Variants in PIK3C3 observed in about 807,000 individuals in gnomAD.
PIK3C3 encodes the protein phosphatidylinositol 3-kinase catalytic subunit type 3.
Under a neutral mutation model 126.1 loss-of-function variants are expected in PIK3C3, and 95 were observed. That is an observed-to-expected ratio of 0.75 (90% CI 0.64 to 0.89). The LOEUF is 0.89. Ranked by LOEUF, PIK3C3 falls within the 40% of genes least tolerant of loss-of-function variation. The probability of loss-of-function intolerance (pLI) is 0.00; values close to 1 mark genes in which losing one functional copy is unlikely to be tolerated. For synonymous variants in PIK3C3, 374 were observed against 360.0 expected (o/e 1.04, Z -0.44); for missense variants, 829 against 1,063.2 (o/e 0.78, Z 3.06).
At chr18:41,957,030 T>G (rs1227215313) in intron 1 of PIK3C3, among the ~76,000 whole-genome samples, 3 of 152,060 alleles carry the variant, frequency 2.0e-5, no homozygotes, top group Non-Finnish European at 4.4e-5. Flanking sequence ...ATATGCATAG[T>G]AAAAGAAAAA....
At chr18:42,028,694 C>CT (rs1414485537) in intron 14 of PIK3C3, among the ~76,000 whole-genome samples, 1 of 152,164 alleles carries the variant, frequency 6.6e-6, no homozygotes, top group Non-Finnish European at 1.5e-5. Context: ...ATTTCAGTTT[C>CT]TTTAAGTTTA....
intron 21 of PIK3C3, among the ~76,000 whole-genome samples, chr18:42,051,864 AAAT>A (rs1453809838): frequency 2.6e-5 from 4 of 152,140 alleles, no homozygotes; most frequent in Non-Finnish European, 5.9e-5. Flanking sequence ...TTTAATATAA[AAAT>A]AATGCTAAAT....
chr18:42,059,126 G>A (rs1985202781), intron 22 of PIK3C3, among the ~76,000 whole-genome samples: 1 of 152,210 alleles, frequency 6.6e-6, no homozygotes, highest in Non-Finnish European at 1.5e-5. Context: ...CCCAGTTAAT[G>A]TTGATGTGTT....
intron 5 of PIK3C3, among the ~76,000 whole-genome samples, chr18:41,989,671 T>C (rs1981676279): frequency 6.6e-6 from 1 of 152,180 alleles, no homozygotes. Flanking sequence ...CTAGGGGTAA[T>C]ATGCTACACC....
At chr18:41,963,431 A>C (rs550785850) in intron 3 of PIK3C3, among the ~76,000 whole-genome samples, 2 of 152,314 alleles carry the variant, frequency 1.3e-5, no homozygotes, top group Admixed American at 6.5e-5. Context: ...ATGCTCAAAA[A>C]ATCTCATTTT....
intron 15 of PIK3C3, among the ~76,000 whole-genome samples, chr18:42,031,588 C>T (rs1191044973): frequency 6.6e-6 from 1 of 151,996 alleles, no homozygotes; most frequent in Non-Finnish European, 1.5e-5. Context: ...CCACGCCTGG[C>T]TAATTTTTAG....
intron 13 of PIK3C3, among the ~76,000 whole-genome samples, chr18:42,023,600 A>G (rs1405647376): frequency 2.0e-5 from 3 of 152,204 alleles, no homozygotes; most frequent in African/African-American, 4.8e-5. Flanking sequence ...TTACATATTC[A>G]GAAATACTCA....
intron 4 of PIK3C3, among the ~76,000 whole-genome samples, chr18:41,980,105 T>C (rs1437937249): frequency 6.6e-6 from 1 of 152,148 alleles, no homozygotes; most frequent in Non-Finnish European, 1.5e-5. Flanking sequence ...CTATTAGTGA[T>C]CTTTTCCCCT....
At chr18:41,967,241 T>C (rs371196949) in intron 3 of PIK3C3, among the ~76,000 whole-genome samples, 7 of 152,056 alleles carry the variant, frequency 4.6e-5, no homozygotes, top group Admixed American at 4.6e-4. Flanking sequence ...CACAGCTACT[T>C]CCTTGCATGG....
At chr18:41,956,997 T>G (rs1979810486) in intron 1 of PIK3C3, among the ~76,000 whole-genome samples, 1 of 152,170 alleles carries the variant, frequency 6.6e-6, no homozygotes, top group Non-Finnish European at 1.5e-5. Flanking sequence ...TACCACTGTT[T>G]TAAAGAAATG....
chr18:42,062,438 AT>A (rs60319154), intron 22 of PIK3C3, among the ~76,000 whole-genome samples: 88 of 146,856 alleles, frequency 6.0e-4, no homozygotes, highest in South Asian at 8.7e-4. Context: ...ACATTATGAG[AT>A]TTTTTTTTTT....
intron 24 of PIK3C3, among the ~76,000 whole-genome samples, chr18:42,076,129 T>TATATATGCAC (rs1985991422): frequency 3.7e-5 from 3 of 81,692 alleles, no homozygotes; most frequent in African/African-American, 2.6e-4. Flanking sequence ...TATGCGCATA[T>TATATATGCAC]ATATATATAT....
Position 42,049,799 on chromosome 18 carries a change from C to A in PIK3C3, c.2263+194C>A, listed in dbSNP as rs563332647. On this transcript the variant is annotated intron_variant, in intron 21 of 24. Coordinates refer to ENST00000262039, the MANE Select transcript of PIK3C3 (RefSeq NM_002647.4). ...GACCAGCCTGACCAACATGGAGAAA[C>A]CCCGTCTCTACTAAACACACAAAAT... 11 of 447,124 alleles carry A rather than the reference C, an allele frequency of 2.5e-5. No homozygotes were observed. The East Asian group carries it at 4.4e-4, about 18-fold the overall frequency. 27.7% of individuals were successfully genotyped at this position (447,124 alleles called of 1,614,324 possible).
chr18:42,027,879 C>T (rs1412733423), intron 14 of PIK3C3, among the ~76,000 whole-genome samples: 1 of 152,108 alleles, frequency 6.6e-6, no homozygotes, highest in Non-Finnish European at 1.5e-5. Context: ...TATTCTGGAA[C>T]TCCTGACCTC....
At chr18:41,975,230 T>G (rs1980855811) in intron 4 of PIK3C3, among the ~76,000 whole-genome samples, 1 of 152,226 alleles carries the variant, frequency 6.6e-6, no homozygotes, top group African/African-American at 2.4e-5. Flanking sequence ...TTATTGTTTC[T>G]TGAGAATAGG....
At chr18:42,032,383 C>G (rs936904067) in intron 15 of PIK3C3, among the ~76,000 whole-genome samples, 2 of 152,102 alleles carry the variant, frequency 1.3e-5, no homozygotes, top group Non-Finnish European at 2.9e-5. Flanking sequence ...AGAGTAGAAG[C>G]TATTGGAGAT....
At chr18:42,033,271 A>G (rs1016122813) in intron 15 of PIK3C3, among the ~76,000 whole-genome samples, 2 of 152,220 alleles carry the variant, frequency 1.3e-5, no homozygotes, top group African/African-American at 4.8e-5. Context: ...TGCATTATGT[A>G]TATGAGCTGA....
intron 5 of PIK3C3, among the ~76,000 whole-genome samples, chr18:41,990,043 A>G (rs888753617): frequency 6.6e-6 from 1 of 152,174 alleles, no homozygotes; most frequent in African/African-American, 2.4e-5. Flanking sequence ...GATTTTTGTT[A>G]CACATATTGA....
Position 42,037,760 on chromosome 18 carries a change from G to A in PIK3C3, c.1908G>A (p.Lys636=). The A allele has an allele frequency of 6.2e-7, 1 of 1,612,100 alleles. No homozygotes were observed. The highest frequency in any genetic ancestry group is 8.5e-7 in the Non-Finnish European group (1 of 1,178,422). Residue 636 remains lysine, a synonymous_variant, in exon 17 of 25, where the codon AAG becomes AAA. Coordinates refer to ENST00000262039, the MANE Select transcript of PIK3C3 (RefSeq NM_002647.4). ...GAGGCAAATATCCAGTTATATTTAA[G>A]CATGGAGATGATTTACGTCAAGATC... ...EDGGKYPVIF[K]HGDDLRQDQL...
Sources: allele counts gnomAD v4.1 joint callset (sites outside exome capture counted in the v4.1 genomes callset), GRCh38; gene constraint gnomAD v4.1.1; transcripts MANE v1.5; gene names NCBI Gene and HGNC (gene_info 2026-07-23, HGNC 2026-07-21).